The following SKAP1 variants were observed in gnomAD, a reference collection of about 807,000 sequenced individuals.
The protein encoded by SKAP1 is src kinase-associated phosphoprotein 1.
SKAP1 carries 44 observed loss-of-function variants against 58.5 expected under a neutral mutation model. The ratio of observed to expected loss-of-function variants is 0.75; its 90% CI spans 0.59 to 0.97. The LOEUF is 0.97. Ranked by LOEUF, SKAP1 falls within the 50% of genes least tolerant of loss-of-function variation. SKAP1 has a pLI of 0.00. For synonymous variants in SKAP1, 127 were observed against 149.7 expected, an observed-to-expected ratio of 0.85 and a Z score of 1.11; for missense variants, 390 against 435.2, an observed-to-expected ratio of 0.90 and a Z score of 0.92.
rs369185774 is a variant in SKAP1, at chr17:48,363,849, T to C, written c.153-35A>G. On this transcript the variant is annotated intron_variant, in intron 2 of 12. Coordinates refer to ENST00000336915, the MANE Select transcript of SKAP1 (RefSeq NM_003726.4). ...AAGGGGGAAAAAAAAAGGGAATAAG[T>C]CAAACTTGTATTTCTCAATTTTGGT... 19 of 1,591,510 alleles carry C rather than the reference T, an allele frequency of 1.2e-5. No homozygotes were observed. The African/African-American group carries it at 1.2e-4, about 10-fold the overall frequency.
chr17:48,256,851 T>C (rs1049902598), intron 4 of SKAP1, among the ~76,000 whole-genome samples: 4 of 152,072 alleles, frequency 2.6e-5, no homozygotes, highest in Non-Finnish European at 2.9e-5. Context: ...GATGGTGAAA[T>C]ACATCTCAAT....
intron 4 of SKAP1, among the ~76,000 whole-genome samples, chr17:48,294,982 T>C (rs1266500721): frequency 6.6e-6 from 1 of 152,214 alleles, no homozygotes; most frequent in Non-Finnish European, 1.5e-5. Context: ...TGACAAAGGC[T>C]GCATCTATGC....
At chr17:48,161,782 T>C (rs1465130307) in intron 11 of SKAP1, among the ~76,000 whole-genome samples, 1 of 152,180 alleles carries the variant, frequency 6.6e-6, no homozygotes, top group African/African-American at 2.4e-5. Context: ...CTTGTTTATC[T>C]ATAAATGAAA....
intron 11 of SKAP1, among the ~76,000 whole-genome samples, chr17:48,150,432 AC>A (rs895162049): frequency 1.3e-4 from 20 of 151,894 alleles, no homozygotes; most frequent in African/African-American, 4.6e-4. Context: ...AGGTGTAGAG[AC>A]CCCCTTGGTT....
intron 4 of SKAP1, among the ~76,000 whole-genome samples, chr17:48,202,445 G>A (rs905957491): frequency 4.6e-5 from 7 of 152,108 alleles, no homozygotes; most frequent in African/African-American, 1.7e-4. Context: ...CTCCATGTGT[G>A]TCTCTGTGTA....
At chr17:48,334,109 C>T (rs1327055760) in intron 4 of SKAP1, among the ~76,000 whole-genome samples, 1 of 151,900 alleles carries the variant, frequency 6.6e-6, no homozygotes, top group African/African-American at 2.4e-5. Context: ...TTCTATCCTA[C>T]ACTTTGACAA....
intron 6 of SKAP1, chr17:48,185,866 T>C (rs959933437): frequency 2.6e-5 from 4 of 152,258 alleles, no homozygotes. Context: ...GACACCAGAA[T>C]CTTTTTTGTT....
chr17:48,384,010 G>A (rs772901887), intron 2 of SKAP1, among the ~76,000 whole-genome samples: 106 of 152,218 alleles, frequency 7.0e-4, no homozygotes, highest in Admixed American at 1.1e-3. Context: ...ACAGGTGTGA[G>A]CCACCATGCC....
intron 2 of SKAP1, among the ~76,000 whole-genome samples, chr17:48,395,559 C>T (rs570573291): frequency 8.6e-4 from 131 of 152,218 alleles, no homozygotes; most frequent in African/African-American, 3.1e-3. Context: ...CTAAACTTAT[C>T]TATTAATAAA....
intron 4 of SKAP1, among the ~76,000 whole-genome samples, chr17:48,289,997 T>G (rs1045974104): frequency 6.6e-6 from 1 of 152,152 alleles, no homozygotes; most frequent in African/African-American, 2.4e-5. Flanking sequence ...AATAGTACCC[T>G]GAAGTGGGTG....
chr17:48,356,923 A>C (rs930795068), intron 3 of SKAP1, among the ~76,000 whole-genome samples: 20 of 152,156 alleles, frequency 1.3e-4, no homozygotes, highest in African/African-American at 4.8e-4. Context: ...AACTATACAC[A>C]CTAGTTTGCT....
At chr17:48,138,430 C>T (rs1196667461) in intron 11 of SKAP1, among the ~76,000 whole-genome samples, 2 of 150,216 alleles carry the variant, frequency 1.3e-5, no homozygotes, top group East Asian at 2.0e-4. Context: ...AGTGCAGTGG[C>T]GCAATCTCGG....
intron 2 of SKAP1, among the ~76,000 whole-genome samples, chr17:48,369,247 AAG>A (rs2067053323): frequency 1.3e-5 from 2 of 152,000 alleles, no homozygotes; most frequent in Non-Finnish European, 2.9e-5. Context: ...TCCAAGCACT[AAG>A]AGAGGCCAAG....
At chr17:48,389,916 T>G (rs1291973741) in intron 2 of SKAP1, among the ~76,000 whole-genome samples, 1 of 152,206 alleles carries the variant, frequency 6.6e-6, no homozygotes, top group East Asian at 1.9e-4. Flanking sequence ...AATAGAAGTT[T>G]TAAGGTTTGG....
intron 8 of SKAP1, among the ~76,000 whole-genome samples, chr17:48,180,849 C>T (rs2064358451): frequency 2.0e-5 from 3 of 152,200 alleles, no homozygotes; most frequent in South Asian, 2.1e-4. Context: ...AATGCAGTTA[C>T]CATGTCCTTT....
intron 2 of SKAP1, among the ~76,000 whole-genome samples, chr17:48,376,191 G>A (rs904709923): frequency 3.3e-5 from 5 of 151,916 alleles, no homozygotes; most frequent in Admixed American, 6.6e-5. Flanking sequence ...CCACTGAGAC[G>A]CCATTATCTG....
intron 4 of SKAP1, among the ~76,000 whole-genome samples, chr17:48,337,249 A>G (rs1472739221): frequency 6.6e-6 from 1 of 152,204 alleles, no homozygotes; most frequent in African/African-American, 2.4e-5. Context: ...AATATAGTTT[A>G]TGAATTCAAC....
intron 4 of SKAP1, among the ~76,000 whole-genome samples, chr17:48,268,762 A>C (rs1016357566): frequency 2.0e-5 from 3 of 152,068 alleles, no homozygotes; most frequent in African/African-American, 7.2e-5. Flanking sequence ...AAAGTGCTGG[A>C]ATCGCAGGTG....
intron 11 of SKAP1, among the ~76,000 whole-genome samples, chr17:48,162,051 C>T (rs929899133): frequency 7.9e-5 from 12 of 152,016 alleles, no homozygotes; most frequent in Non-Finnish European, 1.6e-4. Flanking sequence ...CTGCAAGCTC[C>T]GCCTCCCGGG....
Sources: allele counts gnomAD v4.1 joint callset (sites outside exome capture counted in the v4.1 genomes callset), GRCh38; gene constraint gnomAD v4.1.1; transcripts MANE v1.5; gene names NCBI Gene and HGNC (gene_info 2026-07-23, HGNC 2026-07-21).